Variants in EPHA5 observed in about 807,000 individuals in gnomAD.
EPHA5 encodes EPH receptor A5, also known as ephrin type-A receptor 5.
In EPHA5, 60 loss-of-function variants were observed where a neutral mutation model predicts 105.0. That is an observed-to-expected ratio of 0.57 (90% CI 0.46 to 0.71). The LOEUF (loss-of-function observed/expected upper bound fraction) is 0.71. Ranked by LOEUF, EPHA5 falls within the 30% of genes least tolerant of loss-of-function variation. The pLI is 0.00. For missense variants in EPHA5, 1,218 were observed against 1,274.7 expected, an observed-to-expected ratio of 0.96 and a Z score of 0.68; for synonymous variants, 513 against 449.1, an observed-to-expected ratio of 1.14 and a Z score of -1.80.
At chr4:65,518,902 A>G (rs1470639239) in intron 3 of EPHA5, among the ~76,000 whole-genome samples, 2 of 152,152 alleles carry the variant, frequency 1.3e-5, no homozygotes, top group African/African-American at 2.4e-5. Context: ...AGGAGCTGGT[A>G]TCATTCCTTC....
chr4:65,624,192 T>C (rs149679604), intron 2 of EPHA5, among the ~76,000 whole-genome samples: 3 of 152,254 alleles, frequency 2.0e-5, no homozygotes, highest in South Asian at 2.1e-4. Context: ...ATAAAGGTAA[T>C]AGTAAAATGA....
chr4:65,492,349 C>G (rs1263613915), intron 4 of EPHA5, among the ~76,000 whole-genome samples: 1 of 151,606 alleles, frequency 6.6e-6, no homozygotes, highest in African/African-American at 2.4e-5. Context: ...TTACAGGGGC[C>G]CACCACCACA....
At chr4:65,385,861 G>C (rs1720029844) in intron 8 of EPHA5, among the ~76,000 whole-genome samples, 2 of 151,652 alleles carry the variant, frequency 1.3e-5, no homozygotes, top group Non-Finnish European at 2.9e-5. Context: ...ATTTATATTT[G>C]TATAATACTG....
intron 5 of EPHA5, among the ~76,000 whole-genome samples, chr4:65,453,396 C>T (rs1223103312): frequency 1.3e-5 from 2 of 152,032 alleles, no homozygotes; most frequent in African/African-American, 4.8e-5. Flanking sequence ...ATGAAACTGC[C>T]GTGGGCCACA....
intron 14 of EPHA5, 61 bp downstream of exon 14, chr4:65,347,993 T>C: frequency 6.9e-7 from 1 of 1,442,320 alleles, no homozygotes; most frequent in South Asian, 1.4e-5. Flanking sequence ...AAACATTGTG[T>C]CTTGACTCAG....
intron 2 of EPHA5, among the ~76,000 whole-genome samples, chr4:65,632,511 T>C (rs1746739982): frequency 2.0e-5 from 3 of 150,130 alleles, no homozygotes; most frequent in Non-Finnish European, 4.4e-5. Context: ...GGTTGCTATC[T>C]TTGTTTCACT....
Position 65,551,197 on chromosome 4 carries a change from T to C in EPHA5, c.910+50444A>G, listed in dbSNP as rs577011016. On this transcript the variant is annotated intron_variant, in intron 3 of 16. Transcript: ENST00000613740. ...AGTAGGTTTGGATAAATAAATGATA[T>C]GTTCATGCCATGTATGTATATATAT... 4.6e-5 allele frequency among the ~76,000 whole-genome samples: 7 copies of C among 151,558 alleles called. No homozygotes were observed. The South Asian group carries it at 1.5e-3, about 32-fold the overall frequency.
chr4:65,507,228 C>A (rs1244459808), intron 3 of EPHA5, among the ~76,000 whole-genome samples: 3 of 151,986 alleles, frequency 2.0e-5, no homozygotes, highest in Non-Finnish European at 2.9e-5. Context: ...TGGTCTATAT[C>A]TCTGTTTTGG....
chr4:65,372,807 C>A (rs952833622), intron 8 of EPHA5, among the ~76,000 whole-genome samples: 1 of 151,650 alleles, frequency 6.6e-6, no homozygotes, highest in Non-Finnish European at 1.5e-5. Flanking sequence ...TTCTATAAAA[C>A]AAAGAATTTT....
At chr4:65,369,715 C>G (rs2148901627) in intron 8 of EPHA5, among the ~76,000 whole-genome samples, 1 of 152,202 alleles carries the variant, frequency 6.6e-6, no homozygotes, top group Admixed American at 6.5e-5. Flanking sequence ...CGCTTGTAAT[C>G]CCAGCACTTT....
chr4:65,631,114 G>T (rs772614853), intron 2 of EPHA5, among the ~76,000 whole-genome samples: 5 of 152,158 alleles, frequency 3.3e-5, no homozygotes, highest in African/African-American at 1.2e-4. Flanking sequence ...TTCAAAGAGT[G>T]TTGTCATAGA....
intron 2 of EPHA5, among the ~76,000 whole-genome samples, chr4:65,603,150 A>C (rs1743904433): frequency 6.6e-6 from 1 of 152,108 alleles, no homozygotes; most frequent in Non-Finnish European, 1.5e-5. Context: ...ACGTAAAAAA[A>C]ATTAAGTACA....
chr4:65,516,385 T>G (rs375105819), intron 3 of EPHA5, among the ~76,000 whole-genome samples: 97 of 151,812 alleles, frequency 6.4e-4, no homozygotes, highest in African/African-American at 2.2e-3. Flanking sequence ...ATCTTCATCG[T>G]TGCTCTCCTG....
chr4:65,650,796 A>G (rs4423928), intron 1 of EPHA5, among the ~76,000 whole-genome samples: 136,222 of 152,158 alleles, frequency 0.9, 61,071 homozygotes, highest in Non-Finnish European at 0.91. Flanking sequence ...GCAGAAAAAG[A>G]TATGATGCTT....
intron 3 of EPHA5, among the ~76,000 whole-genome samples, chr4:65,581,815 T>A (rs1399934434): frequency 6.6e-6 from 1 of 151,810 alleles, no homozygotes; most frequent in Non-Finnish European, 1.5e-5. Context: ...TTGGTTTATA[T>A]GCTAAAGTCA....
At chr4:65,641,175 G>C (rs1747629567) in intron 2 of EPHA5, among the ~76,000 whole-genome samples, 1 of 152,076 alleles carries the variant, frequency 6.6e-6, no homozygotes, top group Non-Finnish European at 1.5e-5. Context: ...CTGTTCTTAC[G>C]AGGCTACTGG....
chr4:65,616,233 A>G (rs973006983), intron 2 of EPHA5, among the ~76,000 whole-genome samples: 2 of 151,984 alleles, frequency 1.3e-5, no homozygotes, highest in African/African-American at 4.8e-5. Context: ...TTAAAATAAA[A>G]TTTTAGAAGT....
At chr4:65,450,071 A>G (rs888149659) in intron 5 of EPHA5, among the ~76,000 whole-genome samples, 1 of 152,220 alleles carries the variant, frequency 6.6e-6, no homozygotes, top group Admixed American at 6.5e-5. Flanking sequence ...ATTAAAAAGA[A>G]AAATGCAAAA....
intron 15 of EPHA5, among the ~76,000 whole-genome samples, chr4:65,332,843 A>G (rs1397164327): frequency 2.0e-5 from 3 of 151,954 alleles, no homozygotes; most frequent in Non-Finnish European, 4.4e-5. Flanking sequence ...GATTTTTCCT[A>G]GAGGAACTTA....
Sources: allele counts gnomAD v4.1 joint callset (sites outside exome capture counted in the v4.1 genomes callset), GRCh38; gene constraint gnomAD v4.1.1; transcripts MANE v1.5; gene names NCBI Gene and HGNC (gene_info 2026-07-23, HGNC 2026-07-21).